CD47: variants seen among roughly 807,000 people sequenced by gnomAD.
CD47 encodes leukocyte surface antigen CD47.
Under a neutral mutation model 44.6 loss-of-function variants are expected in CD47, and 11 were observed. That is an observed-to-expected ratio of 0.25 (90% CI 0.16 to 0.41). The LOEUF is 0.41. Among genes scored for constraint, CD47 ranks in the 10% least tolerant of loss-of-function variants. The probability of loss-of-function intolerance (pLI) is 1.00; values close to 1 mark genes in which losing one functional copy is unlikely to be tolerated. For synonymous variants in CD47, 140 were observed against 136.3 expected, an observed-to-expected ratio of 1.03 and a Z score of -0.19; for missense variants, 306 against 386.7, an observed-to-expected ratio of 0.79 and a Z score of 1.75.
chr3:108,085,756 C>A (rs1056404979), intron 1 of CD47, among the ~76,000 whole-genome samples: 1 of 152,104 alleles, frequency 6.6e-6, no homozygotes, highest in African/African-American at 2.4e-5. Flanking sequence ...GGATTCAATA[C>A]CTTCCTTGTG....
At chr3:108,065,101 T>C (rs975138916) in intron 3 of CD47, among the ~76,000 whole-genome samples, 5 of 152,246 alleles carry the variant, frequency 3.3e-5, no homozygotes, top group Non-Finnish European at 7.3e-5. Context: ...AATCATTTTA[T>C]AATAATCTCC....
chr3:108,067,360 G>T (rs1447443248), intron 3 of CD47, among the ~76,000 whole-genome samples: 2 of 152,186 alleles, frequency 1.3e-5, no homozygotes, highest in East Asian at 1.9e-4. Context: ...AGCCAGTATT[G>T]CCTGTATAAA....
intron 10 of CD47, among the ~76,000 whole-genome samples, chr3:108,048,592 G>A (rs1363100836): frequency 6.6e-6 from 1 of 151,926 alleles, no homozygotes; most frequent in Non-Finnish European, 1.5e-5. Flanking sequence ...CACCGTGTTA[G>A]CCAGGATGGT....
At chr3:108,066,578 A>G (rs2079109002) in intron 3 of CD47, among the ~76,000 whole-genome samples, 3 of 152,372 alleles carry the variant, frequency 2.0e-5, no homozygotes, top group South Asian at 4.1e-4. Flanking sequence ...CACAGACAGC[A>G]AAGTATGGAG....
intron 1 of CD47, among the ~76,000 whole-genome samples, chr3:108,083,972 C>T (rs538400315): frequency 6.6e-6 from 1 of 151,772 alleles, no homozygotes; most frequent in East Asian, 1.9e-4. Context: ...GCCTCCATAC[C>T]CATCAGTCTC....
chr3:108,087,056 A>C (rs2079535436), intron 1 of CD47, among the ~76,000 whole-genome samples: 1 of 152,170 alleles, frequency 6.6e-6, no homozygotes, highest in African/African-American at 2.4e-5. Flanking sequence ...GTAGAGTAGG[A>C]AGTTAATTAT....
chr3:108,051,698 T>C (rs1216514964), intron 8 of CD47: 2 of 616,708 alleles, frequency 3.2e-6, no homozygotes, highest in Non-Finnish European at 6.3e-6. Context: ...TTTCCAGTTT[T>C]GGGTGTGAGA....
chr3:108,062,385 T>A (rs2079029608), intron 3 of CD47, among the ~76,000 whole-genome samples: 1 of 152,186 alleles, frequency 6.6e-6, no homozygotes, highest in African/African-American at 2.4e-5. Flanking sequence ...TCTAGACATA[T>A]GTCACATTTT....
chr3:108,049,066 A>T (rs2078773684), intron 10 of CD47, among the ~76,000 whole-genome samples: 1 of 151,514 alleles, frequency 6.6e-6, no homozygotes, highest in Admixed American at 6.6e-5. Context: ...CTTAAAAAAA[A>T]AATGGAAGCA....
At chr3:108,078,428 T>C (rs1362857352) in intron 2 of CD47, among the ~76,000 whole-genome samples, 3 of 152,010 alleles carry the variant, frequency 2.0e-5, no homozygotes, top group Non-Finnish European at 4.4e-5. Flanking sequence ...ATTTTGAGTT[T>C]TCCAGTTTAC....
At chr3:108,064,849 G>C (rs2079076655) in intron 3 of CD47, among the ~76,000 whole-genome samples, 1 of 152,076 alleles carries the variant, frequency 6.6e-6, no homozygotes, top group Admixed American at 6.5e-5. Flanking sequence ...GAATATATTT[G>C]GTGTCTGTTG....
Position 108,091,004 on chromosome 3 carries a change from C to T in CD47, c.-96G>A, listed in dbSNP as rs2079629769. 2.3e-6 allele frequency: 2 copies of T among 864,574 alleles called. No homozygotes were observed. The highest frequency in any genetic ancestry group is 3.6e-5 in the East Asian group (1 of 28,008). The allele number at this position is 864,574 out of a possible 1,614,324, so 53.6% of individuals were successfully genotyped here. On this transcript the variant is annotated 5_prime_UTR_variant, in exon 1 of 11. Coordinates refer to ENST00000361309, the MANE Select transcript of CD47 (RefSeq NM_001777.4). ...GGCAGGACCGACCGCCGCCGCGCGT[C>T]ACAGGCAGGACCCACTGCCCAGGCT...
chr3:108,072,895 C>A (rs1035817899), intron 2 of CD47, among the ~76,000 whole-genome samples: 1 of 152,068 alleles, frequency 6.6e-6, no homozygotes, highest in East Asian at 1.9e-4. Flanking sequence ...AAATTATTAA[C>A]CCCTCCTTAT....
intron 10 of CD47, 21 bp from the exon 11 acceptor site, chr3:108,047,313 CA>C: frequency 5.0e-6 from 8 of 1,591,800 alleles, no homozygotes; most frequent in African/African-American, 1.3e-5. Flanking sequence ...GAAAAATGAA[CA>C]CATAATCACT....
intron 1 of CD47, among the ~76,000 whole-genome samples, chr3:108,082,270 A>T (rs1472423477): frequency 6.6e-6 from 1 of 151,954 alleles, no homozygotes; most frequent in African/African-American, 2.4e-5. Flanking sequence ...GCTGTTTTAC[A>T]GTTTCATAAG....
At chr3:108,075,073 T>C (rs186774179) in intron 2 of CD47, among the ~76,000 whole-genome samples, 182 of 152,336 alleles carry the variant, frequency 1.2e-3, no homozygotes, top group African/African-American at 4.1e-3. Flanking sequence ...AAGCTTAAAA[T>C]GGACTAAGAA....
intron 2 of CD47, 69 bp downstream of exon 2, chr3:108,079,922 G>T: frequency 1.1e-6 from 1 of 951,282 alleles, no homozygotes; most frequent in East Asian, 2.4e-5. Flanking sequence ...TCCCCATTTG[G>T]CCTCCTCTCG....
chr3:108,065,136 G>C (rs951814523), intron 3 of CD47, among the ~76,000 whole-genome samples: 2 of 152,134 alleles, frequency 1.3e-5, no homozygotes, highest in African/African-American at 4.8e-5. Context: ...TTGCTCTAAT[G>C]AAACAATTTT....
intron 3 of CD47, 97 bp from the exon 4 acceptor site, chr3:108,060,949 T>G (rs910194372): frequency 1.4e-6 from 1 of 738,638 alleles, no homozygotes. Context: ...AGAAGTACTA[T>G]AATGTAATAA....
Sources: allele counts gnomAD v4.1 joint callset (sites outside exome capture counted in the v4.1 genomes callset), GRCh38; gene constraint gnomAD v4.1.1; transcripts MANE v1.5; gene names NCBI Gene and HGNC (gene_info 2026-07-23, HGNC 2026-07-21).